ZNF84: variants seen among roughly 807,000 people sequenced by gnomAD.
ZNF84 encodes the protein zinc finger protein 84.
In ZNF84, 12 loss-of-function variants were observed where a neutral mutation model predicts 14.8. The observed-to-expected ratio is 0.81, with a 90% CI of 0.52 to 1.31. The LOEUF (loss-of-function observed/expected upper bound fraction) is 1.31, where lower values mean the gene tolerates loss of function less well. Among genes scored for constraint, ZNF84 ranks in the 50% most tolerant of loss-of-function variants. ZNF84 has a pLI of 0.00. For missense variants in ZNF84, 859 were observed against 878.6 expected, an observed-to-expected ratio of 0.98 and a Z score of 0.28; for synonymous variants, 347 against 291.1, an observed-to-expected ratio of 1.19 and a Z score of -1.96.
rs1954189116 is a variant in ZNF84, at chr12:133,057,877, T to G, written c.1162T>G (p.Ser388Ala). ...TTGTAGAAAAGCATTCTTTGAGAAG[T>G]CAGAGCTTATTAGACATCAGACAAT... ...SDCRKAFFEK[S>A]ELIRHQTIHT... Residue 388 changes from serine (S) to alanine (A), a missense_variant, in exon 5 of 5, where the codon TCA becomes GCA. Transcript: ENST00000539354. 5.0e-6 allele frequency: 8 copies of G among 1,613,456 alleles called. No individual in the cohort carries two copies. Among genetic ancestry groups the G allele is most frequent in the Non-Finnish European group, 5.9e-6 (7 of 1,179,626 alleles).
intron 4 of ZNF84, among the ~76,000 whole-genome samples, chr12:133,053,406 G>A (rs1011782904): frequency 7.2e-5 from 11 of 152,250 alleles, no homozygotes; most frequent in African/African-American, 1.4e-4. Context: ...CTCTGATACC[G>A]TTTTATTGAA....
intron 2 of ZNF84, among the ~76,000 whole-genome samples, chr12:133,043,776 C>T (rs1305741591): frequency 1.3e-5 from 2 of 151,596 alleles, no homozygotes; most frequent in Admixed American, 6.6e-5. Flanking sequence ...TTTTTTGAGG[C>T]AGAGTCTCAC....
intron 3 of ZNF84, 68 bp downstream of exon 3, chr12:133,048,149 G>C (rs1954015093): frequency 6.8e-7 from 1 of 1,462,886 alleles, no homozygotes; most frequent in African/African-American, 1.4e-5. Context: ...TAGTTGCTGG[G>C]AAGTTTCAGA....
intron 4 of ZNF84, among the ~76,000 whole-genome samples, chr12:133,055,317 AAT>A (rs1954135290): frequency 6.6e-6 from 1 of 152,144 alleles, no homozygotes; most frequent in Admixed American, 6.5e-5. Flanking sequence ...TATATAATAG[AAT>A]ATACTTATAT....
At chr12:133,055,108 C>A (rs1954131562) in intron 4 of ZNF84, among the ~76,000 whole-genome samples, 1 of 152,092 alleles carries the variant, frequency 6.6e-6, no homozygotes, top group African/African-American at 2.4e-5. Context: ...GAACTATATT[C>A]ATATTCTTCA....
intron 1 of ZNF84, chr12:133,040,569 C>CAAAAA (rs4061955): frequency 5.7e-4 from 52 of 91,018 alleles, no homozygotes; most frequent in African/African-American, 1.2e-3. Context: ...AAGACCGTAC[C>CAAAAA]AAAAAAAAAA....
chr12:133,057,116 G>A lies in ZNF84; in HGVS notation c.401G>A (p.Gly134Glu), dbSNP rs1255231703. The change falls in exon 5 of 5, where the codon GGA (glycine) becomes GAA (glutamate). Residue 134 changes from glycine to glutamate, a missense_variant. By Grantham distance (98) the Gly-to-Glu change is moderately conservative (BLOSUM62 -2). Transcript: ENST00000539354. ...RKSNSEGDLD[G>E]LILKHHLDLL... ...TCAAACAGTGAAGGTGACTTAGATG[G>A]ATTGATTTTAAAACATCATTTAGAT... 1 of 1,612,344 alleles carries A rather than the reference G, an allele frequency of 6.2e-7. No individual in the cohort carries two copies. The highest frequency in any genetic ancestry group is 8.5e-7 in the Non-Finnish European group (1 of 1,179,634).
intron 1 of ZNF84, chr12:133,040,350 C>G (rs1033264214): frequency 7.9e-5 from 12 of 151,758 alleles, no homozygotes; most frequent in Admixed American, 6.6e-4. Context: ...TTGCTTGAGC[C>G]CAGGAGTTTG....
At chr12:133,041,911 A>C (rs1042871402) in intron 2 of ZNF84, among the ~76,000 whole-genome samples, 8 of 150,878 alleles carry the variant, frequency 5.3e-5, no homozygotes, top group Non-Finnish European at 1.2e-4. Flanking sequence ...GTTCCTCCTT[A>C]TCTGCAGTTT....
chr12:133,058,036 TC>T lies in ZNF84; in HGVS notation c.1324del (p.Gln442ArgfsTer10), dbSNP rs1954192932. On this transcript the variant is annotated frameshift_variant, in exon 5 of 5. Transcript: ENST00000539354. LOFTEE classifies it low-confidence loss of function (END_TRUNC). ...HGCIQCGKAF[S>X]QKSHLISHQM... ...ATGCATTCAGTGTGGGAAGGCCTTC[TC>T]CCAGAAGTCACATCTCATATCACAT... 13 of 1,612,682 alleles carry T rather than the reference TC, an allele frequency of 8.1e-6. No homozygotes were observed. Among genetic ancestry groups the T allele is most frequent in the Non-Finnish European group, 1.1e-5 (13 of 1,179,770 alleles).
At position 133,057,682 on chromosome 12, in the gene ZNF84, G is replaced by C. The variant is rs2137421104; in HGVS notation, c.967G>C (p.Glu323Gln). The C allele has an allele frequency of 6.2e-7, 1 of 1,613,516 alleles. No homozygotes were observed. Among genetic ancestry groups the C allele is most frequent in the African/African-American group, 1.3e-5 (1 of 74,820 alleles). Residue 323 changes from glutamate to glutamine, a missense_variant, in exon 5 of 5, where the codon GAA becomes CAA. Glu to Gln is a conservative substitution (Grantham distance 29). Transcript: ENST00000539354. ...HTGEKPYGCN[E>Q]CGRAFSEKSN... ...AGGAGAGAAACCCTATGGATGCAAT[G>C]AATGTGGGAGGGCCTTTAGTGAAAA...
At position 133,057,308 on chromosome 12, in the gene ZNF84, A is replaced by G. The variant is rs1954176948; in HGVS notation, c.593A>G (p.His198Arg). 3 of 1,613,142 alleles carry G rather than the reference A, an allele frequency of 1.9e-6. No homozygotes were observed. Among genetic ancestry groups the G allele is most frequent in the Non-Finnish European group, 2.5e-6 (3 of 1,179,848 alleles). ...AAAAAGTCACAGATTATCATATATC[A>G]TAGAAATCGTTTAGGGGAGAAACTC... ...SYKKSQIIIYHRNRLGEKLYE... is the reference protein window; with the variant it reads ...SYKKSQIIIYRRNRLGEKLYE... Residue 198 changes from histidine (H) to arginine (R), a missense_variant, in exon 5 of 5, where the codon CAT (histidine) becomes CGT (arginine). Physicochemically the swap from His to Arg is conservative, Grantham distance 29. Transcript: ENST00000539354.
chr12:133,058,145 A>G lies in ZNF84; in HGVS notation c.1430A>G (p.His477Arg). The G allele has an allele frequency of 6.2e-7, 1 of 1,614,074 alleles. No individual in the cohort carries two copies. The highest frequency in any genetic ancestry group is 8.5e-7 in the Non-Finnish European group (1 of 1,180,034). ...AFSRKSQLVR[H>R]QRTHTGEKPY... Reference sequence around the variant, plus strand: ...AGCAGGAAATCACAGCTCGTTAGACATCAGAGAACTCATACGGGAGAAAAA... The same window carrying G: ...AGCAGGAAATCACAGCTCGTTAGACGTCAGAGAACTCATACGGGAGAAAAA... The change falls in exon 5 of 5, where the codon CAT becomes CGT. Residue 477 changes from histidine to arginine, a missense_variant. Transcript: ENST00000539354.
At chr12:133,044,947 G>A (rs959006663) in intron 2 of ZNF84, among the ~76,000 whole-genome samples, 1 of 151,886 alleles carries the variant, frequency 6.6e-6, no homozygotes, top group African/African-American at 2.4e-5. Flanking sequence ...CTCGTCTTAA[G>A]TTGTCAAGTA....
intron 4 of ZNF84, among the ~76,000 whole-genome samples, chr12:133,052,189 G>A (rs1954081145): frequency 1.3e-5 from 2 of 152,238 alleles, no homozygotes; most frequent in East Asian, 3.9e-4. Context: ...TTTGGAGATG[G>A]AAAGTCCCAA....
chr12:133,041,524 G>C lies in ZNF84; in HGVS notation c.15+42G>C. 1.9e-6 allele frequency: 3 copies of C among 1,601,614 alleles called. No homozygotes were observed. The Admixed American group carries it at 5.0e-5, about 27-fold the overall frequency. The stretch of plus-strand genomic sequence containing the variant: ...GTTCTTATTTTTTCCCAGGGAATTA[G>C]AAGAAATGTATAAGCCTTCCGGTGA... On this transcript the variant is annotated intron_variant, in intron 2 of 4. Coordinates refer to ENST00000539354, the MANE Select transcript of ZNF84 (RefSeq NM_001289971.2).
intron 3 of ZNF84, chr12:133,048,465 C>G: frequency 6.7e-6 from 2 of 296,670 alleles, no homozygotes; most frequent in South Asian, 5.5e-5. Flanking sequence ...ATGAGAAGAT[C>G]GAGGCCAAGA....
chr12:133,049,159 T>C (rs2137374926), intron 4 of ZNF84, among the ~76,000 whole-genome samples: 1 of 152,370 alleles, frequency 6.6e-6, no homozygotes, highest in African/African-American at 2.4e-5. Context: ...CCTGCTTATC[T>C]TGGCCATGAC....
At chr12:133,039,987 G>A (rs1646166913) in intron 1 of ZNF84, among the ~76,000 whole-genome samples, 1 of 151,952 alleles carries the variant, frequency 6.6e-6, no homozygotes, top group Non-Finnish European at 1.5e-5. Context: ...GAGCTTACAG[G>A]TGCATGCCAC....
Sources: gnomAD v4.1 joint callset for allele counts (sites outside exome capture counted in the v4.1 genomes callset) on GRCh38, gnomAD v4.1.1 for gene constraint, MANE v1.5 for transcripts, NCBI Gene and HGNC (gene_info 2026-07-23, HGNC 2026-07-21) for gene names.